PLA2G4E: variants seen among roughly 807,000 people sequenced by gnomAD.
PLA2G4E encodes phospholipase A2 group IVE.
In PLA2G4E, 84 loss-of-function variants were observed where a neutral mutation model predicts 109.1. That is an observed-to-expected ratio of 0.77 (90% CI 0.65 to 0.92). PLA2G4E has a LOEUF of 0.92. Ranked by LOEUF, PLA2G4E falls within the 40% of genes least tolerant of loss-of-function variation. The pLI is 0.00. For synonymous variants in PLA2G4E, 469 were observed against 436.1 expected (o/e 1.08, Z -0.94); for missense variants, 1,057 against 1,076.6 (o/e 0.98, Z 0.25).
At chr15:42,033,316 T>C (rs1335628514) in intron 1 of PLA2G4E, among the ~76,000 whole-genome samples, 1 of 152,154 alleles carries the variant, frequency 6.6e-6, no homozygotes, top group Non-Finnish European at 1.5e-5. Flanking sequence ...CAGACAAGAA[T>C]GAATGCAAGT....
chr15:41,985,761 G>A (rs2068129489), intron 18 of PLA2G4E, 78 bp downstream of exon 18: 2 of 1,487,458 alleles, frequency 1.3e-6, no homozygotes, highest in Non-Finnish European at 9.2e-7. Flanking sequence ...CCAGTTCACA[G>A]CGAGTGAGGC....
At chr15:42,039,397 G>A (rs913552599) in intron 1 of PLA2G4E, among the ~76,000 whole-genome samples, 1 of 152,148 alleles carries the variant, frequency 6.6e-6, no homozygotes, top group Non-Finnish European at 1.5e-5. Flanking sequence ...GAGAACTATA[G>A]AGAGAATGTA....
intron 1 of PLA2G4E, among the ~76,000 whole-genome samples, chr15:42,038,423 C>A (rs949020175): frequency 1.3e-5 from 2 of 152,234 alleles, no homozygotes; most frequent in African/African-American, 4.8e-5. Flanking sequence ...TTTCCTGCAA[C>A]TAAATGGTCC....
At chr15:41,999,691 T>A in intron 9 of PLA2G4E, 130 bp from the exon 10 acceptor site, 1 of 1,225,158 alleles carries the variant, frequency 8.2e-7, no homozygotes, top group Non-Finnish European at 1.2e-6. Context: ...CCTGCCTCTC[T>A]CTTCTGGACA....
At chr15:41,997,454 A>G in intron 10 of PLA2G4E, 195 bp from the exon 11 acceptor site, 1 of 491,420 alleles carries the variant, frequency 2.0e-6, no homozygotes, top group Non-Finnish European at 3.4e-6. Flanking sequence ...TCAGCACTTA[A>G]AGAGATAACA....
chr15:42,028,314 C>G (rs2068709242), intron 1 of PLA2G4E, among the ~76,000 whole-genome samples: 1 of 152,184 alleles, frequency 6.6e-6, no homozygotes, highest in South Asian at 2.1e-4. Flanking sequence ...CCACTATGAT[C>G]CCAGGTAGAA....
intron 13 of PLA2G4E, among the ~76,000 whole-genome samples, chr15:41,991,598 C>T (rs149634380): frequency 6.6e-6 from 1 of 152,218 alleles, no homozygotes; most frequent in African/African-American, 2.4e-5. Context: ...TCCCCATTTG[C>T]CAGCGCAGTT....
At chr15:42,042,239 G>A (rs1242394152) in intron 1 of PLA2G4E, among the ~76,000 whole-genome samples, 5 of 152,126 alleles carry the variant, frequency 3.3e-5, no homozygotes, top group South Asian at 4.2e-4. Flanking sequence ...TTTACAATAC[G>A]AGCTTAATTT....
intron 5 of PLA2G4E, among the ~76,000 whole-genome samples, chr15:42,004,118 A>C (rs1230884785): frequency 6.6e-6 from 1 of 152,114 alleles, no homozygotes; most frequent in South Asian, 2.1e-4. Context: ...TGAGACCAAC[A>C]TGATGAAACC....
intron 1 of PLA2G4E, among the ~76,000 whole-genome samples, chr15:42,016,167 G>A (rs943771410): frequency 2.6e-5 from 4 of 151,266 alleles, no homozygotes; most frequent in African/African-American, 9.7e-5. Flanking sequence ...GGGATTGGGG[G>A]CAGGAGAAAC....
chr15:42,046,340 G>T (rs1889415358), intron 1 of PLA2G4E, among the ~76,000 whole-genome samples: 1 of 152,204 alleles, frequency 6.6e-6, no homozygotes, highest in Non-Finnish European at 1.5e-5. Context: ...GGTCCATAAG[G>T]CCCGGACTTC....
At chr15:41,989,293 C>G (rs2068200182) in intron 15 of PLA2G4E, 122 bp downstream of exon 15, 1 of 1,367,152 alleles carries the variant, frequency 7.3e-7, no homozygotes, top group East Asian at 2.5e-5. Flanking sequence ...TGACTTGGGA[C>G]CACTCCTAGG....
chr15:42,004,758 T>C lies in PLA2G4E; in HGVS notation c.566+180A>G, dbSNP rs78780473. ...GTAAGTGCAGTGGGGCCCAGGCTCC[T>C]ACACTATGGAGAAGCTCCTGGGTGA... On this transcript the variant is annotated intron_variant, in intron 5 of 19. Coordinates refer to ENST00000399518, the Ensembl canonical transcript of PLA2G4E. 6.6e-3 allele frequency among the ~76,000 whole-genome samples: 1,006 copies of C among 152,272 alleles called. 13 individuals are homozygous for C. The highest frequency in any genetic ancestry group is 0.023 in the African/African-American group (970 of 41,550).
intron 13 of PLA2G4E, 68 bp from the exon 14 acceptor site, chr15:41,990,303 G>GA (rs2068222197): frequency 7.1e-7 from 1 of 1,411,712 alleles, no homozygotes. Context: ...TGCAGAATGA[G>GA]AAGACAATCT....
intron 1 of PLA2G4E, among the ~76,000 whole-genome samples, chr15:42,024,959 G>C (rs1466232911): frequency 1.3e-5 from 2 of 152,104 alleles, no homozygotes; most frequent in African/African-American, 4.8e-5. Context: ...CCAGCACTTT[G>C]GGAGGCTGAG....
chr15:42,023,104 T>G (rs2141066866), intron 1 of PLA2G4E, among the ~76,000 whole-genome samples: 1 of 152,064 alleles, frequency 6.6e-6, no homozygotes, highest in Non-Finnish European at 1.5e-5. Context: ...CTGGTGTCTG[T>G]GCAGTGAGTT....
rs201759363 is a variant in PLA2G4E, at chr15:41,999,577, T to C, written c.937-16A>G. ...AACTCTCACCCTGGGGAGGGAAAGA[T>C]GAAAAGCTTGTCAGAGGTGACAATT... On this transcript the variant is annotated splice_polypyrimidine_tract_variant and intron_variant, in intron 9 of 19. Transcript: ENST00000399518. The C allele has an allele frequency of 8.4e-5, 136 of 1,610,922 alleles. No individual in the cohort carries two copies. Among genetic ancestry groups the C allele is most frequent in the Admixed American group, 1.5e-4 (9 of 59,600 alleles).
In PLA2G4E at chr15:42,000,009, A is replaced by G. The variant is rs1566839970; in HGVS notation, c.853-9T>C. 1.2e-6 allele frequency: 2 copies of G among 1,602,666 alleles called. No homozygotes were observed. Among genetic ancestry groups the G allele is most frequent in the Non-Finnish European group, 1.7e-6 (2 of 1,175,084 alleles). On this transcript the variant is annotated splice_polypyrimidine_tract_variant and intron_variant, in intron 8 of 19. Transcript: ENST00000399518. ...CGAGAGCGGCAGCAAAGCTGGAGGG[A>G]TGGGTGGGTTCTGTGAGAGGGGCTG...
chr15:41,993,084 G>C (rs1001320944), intron 12 of PLA2G4E, 125 bp from the exon 13 acceptor site: 4 of 772,368 alleles, frequency 5.2e-6, no homozygotes, highest in Non-Finnish European at 8.2e-6. Flanking sequence ...GGAACCTGGA[G>C]AGTAGGGGTG....
Sources: gnomAD v4.1 joint callset for allele counts (sites outside exome capture counted in the v4.1 genomes callset) on GRCh38, gnomAD v4.1.1 for gene constraint, MANE v1.5 for transcripts, NCBI Gene and HGNC (gene_info 2026-07-23, HGNC 2026-07-21) for gene names.